Variants in RWDD4 observed in about 807,000 individuals in gnomAD.
RWDD4 encodes RWD domain containing 4.
A neutral mutation model predicts 30.0 loss-of-function variants in RWDD4; 16 were observed. That is an observed-to-expected ratio of 0.53 (90% CI 0.36 to 0.81). The LOEUF (loss-of-function observed/expected upper bound fraction) is 0.81, where lower values mean the gene tolerates loss of function less well. Ranked by LOEUF, RWDD4 falls within the 30% of genes least tolerant of loss-of-function variation. The pLI, the probability that RWDD4 is intolerant of heterozygous loss-of-function variation, is 0.00. For missense variants in RWDD4, 170 were observed against 223.9 expected (o/e 0.76, Z 1.54); for synonymous variants, 45 against 72.1 (o/e 0.62, Z 1.90).
At chr4:183,645,063 G>A (rs1433037355) in intron 7 of RWDD4, among the ~76,000 whole-genome samples, 1 of 152,174 alleles carries the variant, frequency 6.6e-6, no homozygotes, top group Non-Finnish European at 1.5e-5. Flanking sequence ...TCACGCCACT[G>A]CACTCCAGCT....
At position 183,651,104 on chromosome 4, in the gene RWDD4, T is replaced by C; in HGVS notation, c.243A>G (p.Leu81=). 1 of 1,614,124 alleles carries C rather than the reference T, an allele frequency of 6.2e-7. No homozygotes were observed. The highest frequency in any genetic ancestry group is 8.5e-7 in the Non-Finnish European group (1 of 1,180,004). The change falls in exon 4 of 8, where the codon TTA becomes TTG. Residue 81 remains leucine (L), a synonymous_variant. Coordinates refer to ENST00000326397, the MANE Select transcript of RWDD4 (RefSeq NM_152682.4). ...TISSAVKQSI[L]AKLQEAVEAN... ...CTTCTACTGCTTCCTGTAGCTTGGC[T>C]AATATACTCTGCTTTACAGCTGATG...
intron 2 of RWDD4, among the ~76,000 whole-genome samples, chr4:183,655,064 C>T (rs1734158571): frequency 6.6e-6 from 1 of 151,926 alleles, no homozygotes; most frequent in South Asian, 2.1e-4. Context: ...CCTCAGCCTC[C>T]CAAGTAGCTG....
chr4:183,646,449 T>A, intron 6 of RWDD4, 39 bp downstream of exon 6: 1 of 1,603,414 alleles, frequency 6.2e-7, no homozygotes, highest in Non-Finnish European at 8.5e-7. Context: ...TGGTAATAAT[T>A]GTAACAAGTT....
intron 1 of RWDD4, among the ~76,000 whole-genome samples, 168 bp downstream of exon 1, chr4:183,658,761 G>A (rs9790628): frequency 6.6e-6 from 1 of 152,068 alleles, no homozygotes; most frequent in Non-Finnish European, 1.5e-5. Flanking sequence ...CGGACTCCTG[G>A]CCATTCACGC....
At chr4:183,658,731 G>A (rs1002161636) in intron 1 of RWDD4, among the ~76,000 whole-genome samples, 198 bp downstream of exon 1, 5 of 152,216 alleles carry the variant, frequency 3.3e-5, no homozygotes, top group African/African-American at 4.8e-5. Context: ...TGAAAAATGA[G>A]GGGGGAAGAG....
At chr4:183,646,662 G>C (rs1733971645) in intron 5 of RWDD4, 125 bp from the exon 6 acceptor site, 1 of 768,906 alleles carries the variant, frequency 1.3e-6, no homozygotes, top group Non-Finnish European at 2.0e-6. Context: ...TTACTAAGTT[G>C]GAAAAAGAGT....
At chr4:183,656,800 C>T (rs543516502) in intron 1 of RWDD4, among the ~76,000 whole-genome samples, 5 of 152,240 alleles carry the variant, frequency 3.3e-5, no homozygotes, top group East Asian at 3.9e-4. Flanking sequence ...CCGAGGCGGG[C>T]GGATCACCTG....
At chr4:183,646,278 T>TAA in intron 7 of RWDD4, 73 bp downstream of exon 7, 27 of 631,944 alleles carry the variant, frequency 4.3e-5, no homozygotes, top group Admixed American at 7.8e-5. Flanking sequence ...TTCCATTACT[T>TAA]AAAAAAAAAA....
Position 183,651,057 on chromosome 4 carries a change from G to C in RWDD4, c.290C>G (p.Thr97Ser). ...TTTGGCATATTCAAACAATGTATAG[G>C]TCATAGCGGTTCCAAGATTAGCTTC... The part of the protein sequence containing the change: ...AVEANLGTAM[T>S]YTLFEYAKDN... The change falls in exon 4 of 8, where the codon ACC (threonine) becomes AGC (serine). Residue 97 changes from threonine to serine, a missense_variant. Coordinates refer to ENST00000326397, the MANE Select transcript of RWDD4 (RefSeq NM_152682.4). 1.2e-6 allele frequency: 2 copies of C among 1,613,720 alleles called. No individual in the cohort carries two copies. Among genetic ancestry groups the C allele is most frequent in the Non-Finnish European group, 1.7e-6 (2 of 1,179,902 alleles).
intron 2 of RWDD4, among the ~76,000 whole-genome samples, chr4:183,655,078 C>T (rs111928313): frequency 0.073 from 11,063 of 151,726 alleles, 1,341 homozygotes; most frequent in African/African-American, 0.26. Context: ...GTAGCTGGGA[C>T]TACAGGCATG....
At chr4:183,655,326 C>T (rs1203687777) in intron 2 of RWDD4, among the ~76,000 whole-genome samples, 9 of 151,318 alleles carry the variant, frequency 5.9e-5, no homozygotes, top group African/African-American at 2.2e-4. Flanking sequence ...GACAGAGTCT[C>T]GCTCTGTCGC....
chr4:183,655,103 G>C (rs1734159836), intron 2 of RWDD4, among the ~76,000 whole-genome samples: 1 of 151,796 alleles, frequency 6.6e-6, no homozygotes. Context: ...ATCATGCGTG[G>C]CTAATTTTTG....
intron 2 of RWDD4, among the ~76,000 whole-genome samples, chr4:183,652,379 G>A (rs1025946526): frequency 7.7e-5 from 2 of 26,012 alleles, no homozygotes; most frequent in African/African-American, 3.4e-4. Flanking sequence ...TTTTTTTTTT[G>A]AGACAGGGTC....
At chr4:183,658,817 C>G (rs1337626477) in intron 1 of RWDD4, 112 bp downstream of exon 1, 2 of 1,019,756 alleles carry the variant, frequency 2.0e-6, no homozygotes, top group Non-Finnish European at 2.5e-6. Flanking sequence ...CCGGCCGGCT[C>G]CGAGGGCACA....
In RWDD4 at chr4:183,639,730, A is replaced by G. The variant is rs1168941926; in HGVS notation, c.*1706T>C. 1 of 152,636 alleles carries G rather than the reference A, an allele frequency of 6.6e-6. No homozygotes were observed. The highest frequency in any genetic ancestry group is 6.5e-5 in the Admixed American group (1 of 15,276). 9.5% of individuals were successfully genotyped at this position (152,636 alleles called of 1,614,324 possible). On this transcript the variant is annotated 3_prime_UTR_variant, in exon 8 of 8. Transcript: ENST00000326397. The stretch of plus-strand genomic sequence containing the variant: ...TTGAGAAAATATACTGGGAGTGTTA[A>G]ACAGATGACGGCAATATTGATGAGG...
chr4:183,644,784 A>AAAAAG (rs59886232), intron 7 of RWDD4, among the ~76,000 whole-genome samples: 28,613 of 148,744 alleles, frequency 0.19, 2,952 homozygotes, highest in East Asian at 0.25. Context: ...CTTCAAAAAA[A>AAAAAG]AAAAGAAAAG....
chr4:183,641,519 C>G (rs777917482), intron 7 of RWDD4, 51 bp from the exon 8 acceptor site: 11 of 1,398,352 alleles, frequency 7.9e-6, no homozygotes, highest in South Asian at 2.4e-5. Context: ...TCTGAGTTCA[C>G]TATTTCCATG....
At position 183,646,524 on chromosome 4, in the gene RWDD4, T is replaced by C. The variant is rs969784217; in HGVS notation, c.495A>G (p.Glu165=). 6.8e-6 allele frequency: 11 copies of C among 1,611,758 alleles called. No individual in the cohort carries two copies. The African/African-American group carries it at 1.3e-4, about 20-fold the overall frequency. Residue 165 remains glutamate (E), a synonymous_variant, in exon 6 of 8, where the codon GAA becomes GAG. Transcript: ENST00000326397. ...KLADKTDHKG[E]LPRGWNWVDV... is the part of the protein sequence containing the mutation. ...CAACCCAGTTCCAGCCTCGAGGAAG[T>C]TCTCCTTTGTGATCTAGAAGATAAA...
At chr4:183,650,916 C>G in intron 4 of RWDD4, 68 bp downstream of exon 4, 1 of 1,532,844 alleles carries the variant, frequency 6.5e-7, no homozygotes, top group Non-Finnish European at 8.9e-7. Context: ...TTAAGTAGTA[C>G]AAATTTATTG....
Sources: allele counts gnomAD v4.1 joint callset (sites outside exome capture counted in the v4.1 genomes callset), GRCh38; gene constraint gnomAD v4.1.1; transcripts MANE v1.5; gene names NCBI Gene and HGNC (gene_info 2026-07-23, HGNC 2026-07-21).